ACTR3C: variants seen among roughly 807,000 people sequenced by gnomAD.
ACTR3C encodes actin-related protein 3C.
In ACTR3C, 18 loss-of-function variants were observed where a neutral mutation model predicts 26.3. That is an observed-to-expected ratio of 0.68 (90% confidence interval 0.47 to 1.01). The LOEUF is 1.01. Ranked by LOEUF, ACTR3C falls within the 50% of genes least tolerant of loss-of-function variation. ACTR3C has a pLI of 0.00. For synonymous variants in ACTR3C, 55 were observed against 94.5 expected (o/e 0.58, Z 2.42); for missense variants, 184 against 250.7 (o/e 0.73, Z 1.80).
the ACTR3C span, among the ~76,000 whole-genome samples, chr7:150,011,469 C>T: frequency 6.6e-6 from 1 of 152,120 alleles, no homozygotes; most frequent in Non-Finnish European, 1.5e-5. Context: ...CCTGTTATCC[C>T]AGCTACTTGG....
At chr7:150,311,558 T>C (rs916601019) in intron 1 of ACTR3C, among the ~76,000 whole-genome samples, 1 of 152,196 alleles carries the variant, frequency 6.6e-6, no homozygotes, top group Non-Finnish European at 1.5e-5. Context: ...CTATTGCCCA[T>C]GGGCCCGATT....
chr7:150,003,838 A>C, the ACTR3C span, among the ~76,000 whole-genome samples: 2 of 148,470 alleles, frequency 1.3e-5, no homozygotes, highest in African/African-American at 5.0e-5. Context: ...TGTGGTGTAT[A>C]TGATGTGGTA....
the ACTR3C span, among the ~76,000 whole-genome samples, chr7:150,085,369 A>C: frequency 3.7e-4 from 56 of 152,286 alleles, no homozygotes; most frequent in African/African-American, 1.3e-3. Context: ...GGGAAGACAG[A>C]ACCGGTTGAG....
At chr7:150,029,538 G>A in the ACTR3C span, among the ~76,000 whole-genome samples, 1 of 152,106 alleles carries the variant, frequency 6.6e-6, no homozygotes, top group Admixed American at 6.5e-5. Context: ...CTACACTGCA[G>A]CCTGGGTGGC....
chr7:150,115,415 G>A, the ACTR3C span, among the ~76,000 whole-genome samples: 4 of 152,324 alleles, frequency 2.6e-5, no homozygotes, highest in South Asian at 2.1e-4. Flanking sequence ...GACAGAACAG[G>A]TCCCACTGTG....
the ACTR3C span, among the ~76,000 whole-genome samples, chr7:150,237,174 G>A: frequency 6.6e-6 from 1 of 152,150 alleles, no homozygotes; most frequent in African/African-American, 2.4e-5. Context: ...TGCGGAGAGG[G>A]ACCATATGGA....
chr7:150,094,776 G>A, the ACTR3C span, among the ~76,000 whole-genome samples: 2 of 150,838 alleles, frequency 1.3e-5, no homozygotes, highest in African/African-American at 5.0e-5. Flanking sequence ...AGTGGCCATG[G>A]GGAATGGCGG....
chr7:150,042,591 C>G, the ACTR3C span, among the ~76,000 whole-genome samples: 775 of 147,814 alleles, frequency 5.2e-3, 10 homozygotes, highest in African/African-American at 0.02. Flanking sequence ...GGTGCCTCCC[C>G]CCACTGCGAT....
At chr7:150,206,508 G>A in the ACTR3C span, among the ~76,000 whole-genome samples, 4 of 152,084 alleles carry the variant, frequency 2.6e-5, no homozygotes, top group Admixed American at 1.3e-4. Context: ...CCACCTCCCG[G>A]GGTCAAGCGA....
At chr7:150,289,299 A>T in intron 4 of ACTR3C, 151 bp downstream of exon 4, 1 of 1,345,682 alleles carries the variant, frequency 7.4e-7, no homozygotes, top group Non-Finnish European at 9.8e-7. Context: ...TTACATCTTC[A>T]GCCCACTTAA....
the ACTR3C span, among the ~76,000 whole-genome samples, chr7:150,082,947 CTTTTT>C: frequency 9.2e-6 from 1 of 108,564 alleles, no homozygotes; most frequent in South Asian, 3.0e-4. Context: ...TTTTTTTTTT[CTTTTT>C]TTTTTTTTTT....
At chr7:150,097,762 G>A in the ACTR3C span, among the ~76,000 whole-genome samples, 1 of 151,392 alleles carries the variant, frequency 6.6e-6, no homozygotes, top group African/African-American at 2.4e-5. Context: ...ACAGACTCAA[G>A]CAGAGCTGGG....
At chr7:150,199,043 C>A in the ACTR3C span, among the ~76,000 whole-genome samples, 5 of 144,882 alleles carry the variant, frequency 3.5e-5, no homozygotes, top group African/African-American at 5.4e-5. Context: ...CGCCTCTGCC[C>A]GGCCGCCCCT....
the ACTR3C span, among the ~76,000 whole-genome samples, chr7:150,003,567 T>C: frequency 6.6e-6 from 1 of 152,040 alleles, no homozygotes; most frequent in African/African-American, 2.4e-5. Context: ...AGGATGTGTG[T>C]TGTGTGTGGT....
chr7:150,040,091 G>C, the ACTR3C span, among the ~76,000 whole-genome samples: 1 of 144,684 alleles, frequency 6.9e-6, no homozygotes, highest in Non-Finnish European at 1.5e-5. Context: ...AGTCCCAAGA[G>C]CCAGGGGGGA....
chr7:150,190,582 G>C, the ACTR3C span, among the ~76,000 whole-genome samples: 57 of 152,256 alleles, frequency 3.7e-4, no homozygotes, highest in African/African-American at 1.3e-3. Context: ...CGTCTTCCCA[G>C]CACCATTTGT....
chr7:149,918,295 G>A, the ACTR3C span, among the ~76,000 whole-genome samples: 1 of 151,816 alleles, frequency 6.6e-6, no homozygotes, highest in African/African-American at 2.4e-5. Context: ...TGTTTTAACT[G>A]TTTAAATGAT....
the ACTR3C span, among the ~76,000 whole-genome samples, chr7:150,055,468 A>G: frequency 3.3e-5 from 5 of 151,582 alleles, no homozygotes; most frequent in East Asian, 1.9e-4. Flanking sequence ...TAAAAAAAAG[A>G]AACCATTTAA....
the ACTR3C span, among the ~76,000 whole-genome samples, chr7:150,175,009 A>T: frequency 6.8e-6 from 1 of 146,620 alleles, no homozygotes; most frequent in African/African-American, 2.8e-5. Flanking sequence ...TCTAAAATTC[A>T]TATGGAAATG....
Sources: allele counts gnomAD v4.1 joint callset (sites outside exome capture counted in the v4.1 genomes callset), GRCh38; gene constraint gnomAD v4.1.1; transcripts MANE v1.5; gene names NCBI Gene and HGNC (gene_info 2026-07-23, HGNC 2026-07-21).